The following ZSCAN20 variants were observed in gnomAD, a reference collection of about 807,000 sequenced individuals.
The protein encoded by ZSCAN20 is zinc finger and SCAN domain-containing protein 20.
A neutral mutation model predicts 97.1 loss-of-function variants in ZSCAN20; 39 were observed. The ratio of observed to expected loss-of-function variants is 0.40; its 90% confidence interval spans 0.31 to 0.52. The LOEUF is 0.52. Among genes scored for constraint, ZSCAN20 ranks in the 20% least tolerant of loss-of-function variants. The pLI is 0.49. For synonymous variants in ZSCAN20, 456 were observed against 467.3 expected (o/e 0.98, Z 0.31); for missense variants, 1,115 against 1,290.4 (o/e 0.86, Z 2.08).
At chr1:33,486,328 A>G (rs1208137020) in intron 2 of ZSCAN20, among the ~76,000 whole-genome samples, 1 of 152,154 alleles carries the variant, frequency 6.6e-6, no homozygotes, top group African/African-American at 2.4e-5. Context: ...TTCATCAATT[A>G]CAGTTTAGGT....
chr1:33,488,697 A>G, intron 3 of ZSCAN20, 46 bp downstream of exon 3: 1 of 1,579,848 alleles, frequency 6.3e-7, no homozygotes, highest in South Asian at 1.2e-5. Flanking sequence ...TCTGCAGGGG[A>G]GAGGGATGGG....
Position 33,491,569 on chromosome 1 carries a change from G to C in ZSCAN20, c.1311G>C (p.Met437Ile). ...GGCTCGGGTATAGTGACGCAGAGATGGATGAGCAGGAGGAAGGGGGCTGGG... is the reference window on the plus strand; with the variant it reads ...GGCTCGGGTATAGTGACGCAGAGATCGATGAGCAGGAGGAAGGGGGCTGGG... Reference protein sequence around the residue: ...LPRLGYSDAEMDEQEEGGWDP... With the variant: ...LPRLGYSDAEIDEQEEGGWDP... Residue 437 changes from methionine (M) to isoleucine (I), a missense_variant, in exon 6 of 8, where the codon ATG becomes ATC. By Grantham distance (10) the Met-to-Ile change is conservative. Coordinates refer to ENST00000684572, the MANE Select transcript of ZSCAN20 (RefSeq NM_001377376.1). The surrounding 1 kb of genome is among the most constrained non-coding windows in gnomAD (Gnocchi z 4.3). 3 of 1,614,130 alleles carry C rather than the reference G, an allele frequency of 1.9e-6. No individual in the cohort carries two copies. The highest frequency in any genetic ancestry group is 1.7e-6 in the Non-Finnish European group (2 of 1,179,990).
In ZSCAN20 at chr1:33,473,064, A is replaced by C. The variant is rs897266200; in HGVS notation, c.-111+373A>C. ...GGGCCTGAGCTTGAAGCCCGACCTT[A>C]AAAATAGTGTTTCAATCTCTACCTT... On this transcript the variant is annotated intron_variant, in intron 1 of 7. Coordinates refer to ENST00000684572, the MANE Select transcript of ZSCAN20 (RefSeq NM_001377376.1). 7.2e-5 allele frequency among the ~76,000 whole-genome samples: 11 copies of C among 152,160 alleles called. No homozygotes were observed. The East Asian group carries it at 2.1e-3, about 29-fold the overall frequency.
Position 33,491,495 on chromosome 1 carries a change from A to G in ZSCAN20, c.1237A>G (p.Thr413Ala). ...GCTGGAGGCCCTGGTCAGGGCTCGG[A>G]CAGCCATCAGAGCCACAGATGGCCC... ...EELEALVRAR[T>A]AIRATDGPGE... The change falls in exon 6 of 8, where the codon ACA becomes GCA. Residue 413 changes from threonine (T) to alanine (A), a missense_variant. Thr to Ala is a moderately conservative substitution (Grantham distance 58). This residue lies in a region of ZSCAN20 where 508 missense variants were observed against 611.2 expected (regional missense o/e 0.83). Transcript: ENST00000684572. The surrounding 1 kb of genome is among the most constrained non-coding windows in gnomAD (Gnocchi z 4.3). 1 of 1,614,092 alleles carries G rather than the reference A, an allele frequency of 6.2e-7. No homozygotes were observed. The highest frequency in any genetic ancestry group is 8.5e-7 in the Non-Finnish European group (1 of 1,179,960).
rs1439397150 is a variant in ZSCAN20, at chr1:33,493,143, C to T, written c.1445-44C>T. ...ACTTTATTCTCTGATGACCTAGGCA[C>T]ATCTCATTAAGTCTCACAGTTCTCA... On this transcript the variant is annotated intron_variant, in intron 6 of 7. Transcript: ENST00000684572. This position sits in a 1 kb window ranked among gnomAD's most constrained non-coding sequence, Gnocchi z 4.3. 1 of 1,586,708 alleles carries T rather than the reference C, an allele frequency of 6.3e-7. No individual in the cohort carries two copies. The highest frequency in any genetic ancestry group is 2.2e-5 in the East Asian group (1 of 44,476).
At position 33,494,487 on chromosome 1, in the gene ZSCAN20, T is replaced by A; in HGVS notation, c.2143T>A (p.Cys715Ser). The A allele has an allele frequency of 6.2e-7, 1 of 1,614,230 alleles. No individual in the cohort carries two copies. The highest frequency in any genetic ancestry group is 8.5e-7 in the Non-Finnish European group (1 of 1,180,028). ...AGAGAAACCCTACAAGTGTGACACA[T>A]GCATGAAGAGCTTCAGTCGGAGCTC... ...LAEKPYKCDT[C>S]MKSFSRSSHF... Residue 715 changes from cysteine to serine, a missense_variant, in exon 8 of 8, where the codon TGC becomes AGC. Cys to Ser is a moderately radical substitution (Grantham distance 112). Coordinates refer to ENST00000684572, the MANE Select transcript of ZSCAN20 (RefSeq NM_001377376.1).
At chr1:33,489,451 G>A in intron 4 of ZSCAN20, 67 bp from the exon 5 acceptor site, 1 of 1,515,478 alleles carries the variant, frequency 6.6e-7, no homozygotes, top group Non-Finnish European at 9.1e-7. Flanking sequence ...CTGGGAGCCT[G>A]CTAGGGTTCC....
rs1380653304 is a variant in ZSCAN20 at position 33,491,063 on chromosome 1, G to C, written c.805G>C (p.Glu269Gln). 3 of 1,610,752 alleles carry C rather than the reference G, an allele frequency of 1.9e-6. No individual in the cohort carries two copies. The South Asian group carries it at 3.3e-5, about 18-fold the overall frequency. ...VSKPSNTSEK[E>Q]QGPEFWGLSL... ...AAAACCAAGTAATACCTCCGAGAAAGAGCAAGGACCAGAGTTTTGGGGTCT... is the reference window on the plus strand; with the variant it reads ...AAAACCAAGTAATACCTCCGAGAAACAGCAAGGACCAGAGTTTTGGGGTCT... The change falls in exon 6 of 8, where the codon GAG (glutamate) becomes CAG (glutamine). Residue 269 changes from glutamate (E) to glutamine (Q), a missense_variant. Glu to Gln is a conservative substitution (Grantham distance 29). Transcript: ENST00000684572. This position sits in a 1 kb window ranked among gnomAD's most constrained non-coding sequence, Gnocchi z 4.3.
rs559516463 is a variant in ZSCAN20, at chr1:33,497,699, A to G, written c.*2223A>G. Among the ~76,000 whole-genome samples the G allele has an allele frequency of 1.2e-4, 18 of 152,222 alleles. No homozygotes were observed. Among genetic ancestry groups the G allele is most frequent in the African/African-American group, 4.3e-4 (18 of 41,564 alleles). On this transcript the variant is annotated 3_prime_UTR_variant, in exon 8 of 8. Coordinates refer to ENST00000684572, the MANE Select transcript of ZSCAN20 (RefSeq NM_001377376.1). ...AGCTAAAGGCTAGGGTCTGAACTAG[A>G]GCAGTGGTGACACTGAGGAGGAGGG...
chr1:33,496,408 T>G lies in ZSCAN20; in HGVS notation c.*932T>G, dbSNP rs1021327902. On this transcript the variant is annotated 3_prime_UTR_variant, in exon 8 of 8. Transcript: ENST00000684572. ...GGGATATCCAGAATTGGTGAAGTGA[T>G]TTGAGCAAGGATGAGCTATTATCAA... 4 of 152,198 alleles carry G rather than the reference T, an allele frequency of 2.6e-5. No homozygotes were observed. Among genetic ancestry groups the G allele is most frequent in the African/African-American group, 4.8e-5 (2 of 41,448 alleles). The allele number at this position is 152,198 out of a possible 1,614,324, so 9.4% of individuals were successfully genotyped here.
In ZSCAN20 at chr1:33,491,805, C is replaced by A; in HGVS notation, c.1444+103C>A. The A allele has an allele frequency of 8.2e-7, 1 of 1,222,018 alleles. No homozygotes were observed. Among genetic ancestry groups the A allele is most frequent in the Non-Finnish European group, 1.1e-6 (1 of 886,728 alleles). 75.7% of individuals were successfully genotyped at this position (1,222,018 alleles called of 1,614,324 possible). The stretch of plus-strand genomic sequence containing the variant: ...CACAGGCTGCAAGTCTGGATTGAAG[C>A]CACTAGAGTGAAGAGCTACATTCCT... On this transcript the variant is annotated intron_variant, in intron 6 of 7. Coordinates refer to ENST00000684572, the MANE Select transcript of ZSCAN20 (RefSeq NM_001377376.1). This position sits in a 1 kb window ranked among gnomAD's most constrained non-coding sequence, Gnocchi z 4.3.
chr1:33,491,758 C>T lies in ZSCAN20; in HGVS notation c.1444+56C>T, dbSNP rs781056737. The T allele has an allele frequency of 1.2e-4, 182 of 1,500,250 alleles. No individual in the cohort carries two copies. The highest frequency in any genetic ancestry group is 1.5e-4 in the Non-Finnish European group (172 of 1,119,330). 92.9% of individuals were successfully genotyped at this position (1,500,250 alleles called of 1,614,324 possible). A position where few individuals can be genotyped will look rare whatever the true frequency, so the allele number is the denominator to read the frequency against. Reference sequence around the variant, plus strand: ...ATTTCCAACCCTCCTACCAGCTAGACTGCTATTCCCTGAGGTCAGGGCACA... The same window carrying T: ...ATTTCCAACCCTCCTACCAGCTAGATTGCTATTCCCTGAGGTCAGGGCACA... On this transcript the variant is annotated intron_variant, in intron 6 of 7. Transcript: ENST00000684572. The surrounding 1 kb of genome is among the most constrained non-coding windows in gnomAD (Gnocchi z 4.3).
At chr1:33,481,172 TTAATG>T (rs1029794793) in intron 2 of ZSCAN20, among the ~76,000 whole-genome samples, 37 of 152,196 alleles carry the variant, frequency 2.4e-4, no homozygotes, top group African/African-American at 8.7e-4. Context: ...GTGCCTTATT[TTAATG>T]TACCTCCCCA....
rs149987604 is a variant in ZSCAN20, at chr1:33,500,874, C to T, written c.*5398C>T. Among the ~76,000 whole-genome samples, 516 of 152,020 alleles carry T rather than the reference C, an allele frequency of 3.4e-3. 1 individual carries two copies. Among genetic ancestry groups the T allele is most frequent in the Admixed American group, 8.2e-3 (125 of 15,278 alleles). On this transcript the variant is annotated 3_prime_UTR_variant, in exon 8 of 8. Coordinates refer to ENST00000684572, the MANE Select transcript of ZSCAN20 (RefSeq NM_001377376.1). ...AGTTGTGACTACTAGAATCTCGAGT[C>T]ACTGGGGCTCAGGGAGCCCTAACTT...
At chr1:33,488,359 T>C (rs1652448267) in intron 2 of ZSCAN20, 106 bp from the exon 3 acceptor site, 5 of 1,153,652 alleles carry the variant, frequency 4.3e-6, no homozygotes, top group Non-Finnish European at 6.2e-6. Context: ...TCAAGCCATT[T>C]TGGATCTTAA....
chr1:33,489,097 A>G lies in ZSCAN20; in HGVS notation c.605-18A>G, dbSNP rs1169519877. 3.7e-6 allele frequency: 6 copies of G among 1,602,316 alleles called. No individual in the cohort carries two copies. Among genetic ancestry groups the G allele is most frequent in the Non-Finnish European group, 5.1e-6 (6 of 1,173,340 alleles). On this transcript the variant is annotated intron_variant, in intron 3 of 7. Transcript: ENST00000684572. ...GGGAACCAGAGCTTGGGTTTCAGTG[A>G]CTTTTTCTTTTCCTCAGCTGTCCTC... is the stretch of plus-strand genomic sequence containing the variant.
At chr1:33,481,797 C>T (rs896076057) in intron 2 of ZSCAN20, among the ~76,000 whole-genome samples, 6 of 152,112 alleles carry the variant, frequency 3.9e-5, no homozygotes, top group African/African-American at 1.4e-4. Context: ...TTACTTGTTT[C>T]TTCTGTCATC....
intron 2 of ZSCAN20, among the ~76,000 whole-genome samples, chr1:33,481,197 A>G (rs944088722): frequency 1.3e-5 from 2 of 151,868 alleles, no homozygotes; most frequent in African/African-American, 2.4e-5. Flanking sequence ...ACCCCCCTAT[A>G]TTATTTCTTT....
rs1205878205 is a variant in ZSCAN20 at position 33,495,774 on chromosome 1, T to G, written c.*298T>G. 9.0e-6 allele frequency: 2 copies of G among 222,122 alleles called. No individual in the cohort carries two copies. Among genetic ancestry groups the G allele is most frequent in the Non-Finnish European group, 8.9e-6 (1 of 111,996 alleles). The allele number at this position is 222,122 out of a possible 1,614,324, so 13.8% of individuals were successfully genotyped here. On this transcript the variant is annotated 3_prime_UTR_variant, in exon 8 of 8. Coordinates refer to ENST00000684572, the MANE Select transcript of ZSCAN20 (RefSeq NM_001377376.1). ...GAGCCAAACTGGCAACTTACGAGATTAGAGTTAAATCAGTGGTCCTGAGCA... is the reference window on the plus strand; with the variant it reads ...GAGCCAAACTGGCAACTTACGAGATGAGAGTTAAATCAGTGGTCCTGAGCA...
Sources: allele counts gnomAD v4.1 joint callset (sites outside exome capture counted in the v4.1 genomes callset), GRCh38; gene constraint gnomAD v4.1.1; regional missense constraint gnomAD v4.1.1; non-coding constraint Gnocchi (gnomAD v3.1); transcripts MANE v1.5; gene names NCBI Gene and HGNC (gene_info 2026-07-23, HGNC 2026-07-21).